FAM185A: variants seen among roughly 807,000 people sequenced by gnomAD.
The protein encoded by FAM185A is family with sequence similarity 185 member A.
A neutral mutation model predicts 45.7 loss-of-function variants in FAM185A; 21 were observed. The observed-to-expected ratio is 0.46, with a 90% CI of 0.33 to 0.66. The LOEUF (loss-of-function observed/expected upper bound fraction) is 0.66. FAM185A is among the 30% of genes least tolerant of loss of function. FAM185A has a pLI of 0.03. For missense variants in FAM185A, 305 were observed against 485.4 expected, an observed-to-expected ratio of 0.63 and a Z score of 3.49; for synonymous variants, 117 against 194.0, an observed-to-expected ratio of 0.60 and a Z score of 3.30.
At chr7:102,834,394 A>T in the FAM185A span, among the ~76,000 whole-genome samples, 4,411 of 146,366 alleles carry the variant, frequency 0.03, 177 homozygotes, top group East Asian at 0.15. Flanking sequence ...ATATATATAT[A>T]TTATATGCGA....
chr7:102,760,799 AGGAAAT>A (rs1286570358), intron 3 of FAM185A, among the ~76,000 whole-genome samples: 2 of 152,296 alleles, frequency 1.3e-5, no homozygotes, highest in East Asian at 3.9e-4. Flanking sequence ...ATTGGAAGGG[AGGAAAT>A]GAAGCCATCA....
the FAM185A span, among the ~76,000 whole-genome samples, chr7:102,846,903 G>A: frequency 6.6e-6 from 1 of 152,048 alleles, no homozygotes; most frequent in Non-Finnish European, 1.5e-5. Context: ...GTGGCTGTCT[G>A]CCTGCCCAGC....
downstream of FAM185A, among the ~76,000 whole-genome samples, chr7:102,811,270 C>T (rs1584383087): frequency 1.3e-5 from 2 of 152,060 alleles, no homozygotes; most frequent in Non-Finnish European, 2.9e-5. Flanking sequence ...AAGTCCCAGA[C>T]AAAAAGAAAA....
At chr7:102,789,841 A>G (rs1219300770) in intron 7 of FAM185A, among the ~76,000 whole-genome samples, 1 of 152,272 alleles carries the variant, frequency 6.6e-6, no homozygotes, top group Admixed American at 6.5e-5. Context: ...TGTTTTTAAA[A>G]TTGTTAATTT....
the FAM185A span, among the ~76,000 whole-genome samples, chr7:102,843,647 G>A: frequency 2.0e-5 from 3 of 151,724 alleles, no homozygotes; most frequent in East Asian, 1.9e-4. Context: ...ATGGTCGTGG[G>A]CACCTGTAAT....
At chr7:102,798,523 T>C (rs534238088) in intron 7 of FAM185A, among the ~76,000 whole-genome samples, 103 of 152,112 alleles carry the variant, frequency 6.8e-4, no homozygotes, top group Non-Finnish European at 1.2e-3. Context: ...CAAAAGGAAA[T>C]AGGTTGAAGG....
the FAM185A span, among the ~76,000 whole-genome samples, chr7:102,843,603 C>T: frequency 3.9e-5 from 6 of 151,912 alleles, no homozygotes; most frequent in Non-Finnish European, 5.9e-5. Flanking sequence ...GGCGAAACCC[C>T]GTCTCTACGA....
At chr7:102,784,108 C>T (rs1371811492) in intron 6 of FAM185A, among the ~76,000 whole-genome samples, 1 of 152,276 alleles carries the variant, frequency 6.6e-6, no homozygotes, top group Admixed American at 6.5e-5. Flanking sequence ...TTCCTGGACA[C>T]ATACACCCTC....
At chr7:102,781,230 T>A (rs939124060) in intron 6 of FAM185A, among the ~76,000 whole-genome samples, 1 of 152,142 alleles carries the variant, frequency 6.6e-6, no homozygotes, top group African/African-American at 2.4e-5. Context: ...AGACTCCACA[T>A]CTGGGGGCAG....
Position 102,808,316 on chromosome 7 carries a change from G to T in FAM185A, c.1093G>T (p.Glu365Ter). Residue 365 changes from glutamate to a stop codon, truncating the protein, a stop_gained, in exon 8 of 8, where the codon GAA becomes TAA. Transcript: ENST00000413034. LOFTEE classifies it high-confidence loss of function. ...ACTCATGAATCAAGCAAGCAAACGT[G>T]AAAAATGGATTAAGGCTGATGCCCC... ...TGLMNQASKR[E>*]KWIKADAPKG... The T allele has an allele frequency of 6.4e-7, 1 of 1,551,814 alleles. No individual in the cohort carries two copies. The highest frequency in any genetic ancestry group is 1.2e-5 in the South Asian group (1 of 84,070).
At chr7:102,799,213 G>A (rs1181002396) in intron 7 of FAM185A, among the ~76,000 whole-genome samples, 3 of 152,140 alleles carry the variant, frequency 2.0e-5, no homozygotes, top group African/African-American at 7.2e-5. Flanking sequence ...TTAACACAGG[G>A]ATTTACCAAT....
chr7:102,789,666 G>A (rs186437976), intron 7 of FAM185A, among the ~76,000 whole-genome samples: 222 of 151,800 alleles, frequency 1.5e-3, no homozygotes, highest in Non-Finnish European at 2.7e-3. Flanking sequence ...CCAAGATCGC[G>A]CCACTGCCCT....
rs28531801 is a variant in FAM185A, at chr7:102,759,742, A to G, written c.655-1531A>G. Among the ~76,000 whole-genome samples the G allele has an allele frequency of 4.6e-5, 7 of 151,866 alleles. No homozygotes were observed. In the South Asian group the frequency reaches 1.5e-3, roughly 32 times the overall value. On this transcript the variant is annotated intron_variant, in intron 3 of 7. Transcript: ENST00000413034. ...TTGGGTAATAGTAATAGAACAAACT[A>G]AAAAAATCCTCTATTAAGAGGATTA...
the FAM185A span, among the ~76,000 whole-genome samples, chr7:102,816,549 G>A: frequency 2.0e-5 from 3 of 152,182 alleles, no homozygotes; most frequent in Admixed American, 6.5e-5. Flanking sequence ...GCAAGTGGCT[G>A]CCAGAAGGTT....
intron 2 of FAM185A, chr7:102,755,828 C>T (rs532119062): frequency 1.8e-4 from 118 of 671,666 alleles, no homozygotes; most frequent in Non-Finnish European, 7.6e-5. Context: ...ATGCCAGATA[C>T]GATGAGACCC....
At chr7:102,756,076 A>G (rs1793705761) in intron 2 of FAM185A, 1 of 254,168 alleles carries the variant, frequency 3.9e-6, no homozygotes. Flanking sequence ...TTGACTTCAG[A>G]CTCATGTCTC....
the FAM185A span, among the ~76,000 whole-genome samples, chr7:102,818,450 T>C: frequency 5.3e-5 from 8 of 152,224 alleles, no homozygotes; most frequent in Admixed American, 5.2e-4. Context: ...GCACAGTACG[T>C]GGCAAATAAT....
the FAM185A span, among the ~76,000 whole-genome samples, chr7:102,849,200 C>G: frequency 6.6e-6 from 1 of 152,208 alleles, no homozygotes; most frequent in East Asian, 1.9e-4. Flanking sequence ...TCAGTTACAG[C>G]TGCATCAAAC....
chr7:102,773,247 G>A (rs1462414654), intron 5 of FAM185A, among the ~76,000 whole-genome samples: 2 of 150,618 alleles, frequency 1.3e-5, no homozygotes, highest in Non-Finnish European at 3.0e-5. Flanking sequence ...TATGAGGAAA[G>A]TGGTAGGATA....
Sources: gnomAD v4.1 joint callset for allele counts (sites outside exome capture counted in the v4.1 genomes callset) on GRCh38, gnomAD v4.1.1 for gene constraint, MANE v1.5 for transcripts, NCBI Gene and HGNC (gene_info 2026-07-23, HGNC 2026-07-21) for gene names.